The following GALNT2 variants were observed in gnomAD, a reference collection of about 807,000 sequenced individuals.
The protein encoded by GALNT2 is polypeptide N-acetylgalactosaminyltransferase 2.
In GALNT2, 31 loss-of-function variants were observed where a neutral mutation model predicts 81.4. The ratio of observed to expected loss-of-function variants is 0.38; its 90% CI spans 0.29 to 0.51. The LOEUF (loss-of-function observed/expected upper bound fraction) is 0.51, where lower values mean the gene tolerates loss of function less well. Among genes scored for constraint, GALNT2 ranks in the 20% least tolerant of loss-of-function variants. GALNT2 has a pLI of 0.87. For missense variants in GALNT2, 629 were observed against 765.7 expected (o/e 0.82, Z 2.11); for synonymous variants, 303 against 287.4 (o/e 1.05, Z -0.55).
At chr1:230,222,942 A>G (rs1558147611) in intron 3 of GALNT2, among the ~76,000 whole-genome samples, 1 of 152,206 alleles carries the variant, frequency 6.6e-6, no homozygotes, top group African/African-American at 2.4e-5. Context: ...TCTCATTTCT[A>G]TGAATATTTG....
At chr1:230,265,620 G>A (rs986738631) in intron 14 of GALNT2, among the ~76,000 whole-genome samples, 39 of 152,194 alleles carry the variant, frequency 2.6e-4, no homozygotes, top group African/African-American at 6.8e-4. Flanking sequence ...GGGTGCACTG[G>A]TCACAGTTGC....
chr1:230,135,007 T>C (rs1327729979), intron 1 of GALNT2, among the ~76,000 whole-genome samples: 1 of 152,152 alleles, frequency 6.6e-6, no homozygotes, highest in Admixed American at 6.5e-5. Context: ...TATCTGAGAG[T>C]GTTTCAAATC....
At chr1:230,249,126 T>A (rs1336993096) in intron 8 of GALNT2, 58 bp from the exon 9 acceptor site, 2 of 1,423,770 alleles carry the variant, frequency 1.4e-6, no homozygotes, top group African/African-American at 2.8e-5. Flanking sequence ...GGAATGGGGG[T>A]GTCGGGAGGA....
intron 1 of GALNT2, among the ~76,000 whole-genome samples, chr1:230,134,529 T>C (rs1233156255): frequency 6.6e-6 from 1 of 152,240 alleles, no homozygotes; most frequent in Non-Finnish European, 1.5e-5. Context: ...GCTGTATCTA[T>C]CTATCTGTGG....
At chr1:230,219,106 T>C (rs1484258860) in intron 3 of GALNT2, among the ~76,000 whole-genome samples, 1 of 152,252 alleles carries the variant, frequency 6.6e-6, no homozygotes, top group Non-Finnish European at 1.5e-5. Flanking sequence ...TGTTCCTTGG[T>C]GCCAAAAAGG....
intron 3 of GALNT2, among the ~76,000 whole-genome samples, chr1:230,230,033 T>C (rs1299382282): frequency 6.6e-6 from 1 of 152,172 alleles, no homozygotes; most frequent in Non-Finnish European, 1.5e-5. Flanking sequence ...TTGCAAGATA[T>C]TAAGACTTGG....
rs1035590846 is a variant in GALNT2, at chr1:230,280,402, A to G, written c.*944A>G. On this transcript the variant is annotated 3_prime_UTR_variant, in exon 16 of 16. Coordinates refer to ENST00000366672, the MANE Select transcript of GALNT2 (RefSeq NM_004481.5). ...CTGGAGCGGTTACTTATTTTGACAG[A>G]TATCACTTTGGGTCTTTTTACATTA... The G allele has an allele frequency of 3.1e-5, 6 of 193,368 alleles. No homozygotes were observed. The South Asian group carries it at 3.2e-4, about 10-fold the overall frequency. 12.0% of individuals were successfully genotyped at this position (193,368 alleles called of 1,614,324 possible).
At chr1:230,223,744 T>A (rs1282941123) in intron 3 of GALNT2, among the ~76,000 whole-genome samples, 2 of 152,244 alleles carry the variant, frequency 1.3e-5, no homozygotes, top group Non-Finnish European at 2.9e-5. Flanking sequence ...GTGCTGGGAT[T>A]GTAGGCGTGA....
chr1:230,185,664 A>T (rs997373342), intron 2 of GALNT2, among the ~76,000 whole-genome samples: 1 of 152,178 alleles, frequency 6.6e-6, no homozygotes, highest in South Asian at 2.1e-4. Context: ...AGGCCTTATT[A>T]ATAAGAACAC....
At position 230,275,516 on chromosome 1, in the gene GALNT2, A is replaced by G. The variant is rs1263030061; in HGVS notation, c.1560+952A>G. Among the ~76,000 whole-genome samples, 11 of 151,336 alleles carry G rather than the reference A, an allele frequency of 7.3e-5. No individual in the cohort carries two copies. On this transcript the variant is annotated intron_variant, in intron 15 of 15. Transcript: ENST00000366672. The surrounding 1 kb of genome is among the most constrained non-coding windows in gnomAD (Gnocchi z 5.5). ...ACACACACACACCACAGATACATACATATATATACATGCCACATAGATATA... is the reference window on the plus strand; with the variant it reads ...ACACACACACACCACAGATACATACGTATATATACATGCCACATAGATATA...
intron 1 of GALNT2, among the ~76,000 whole-genome samples, chr1:230,136,233 T>C (rs1177994210): frequency 6.6e-6 from 1 of 152,040 alleles, no homozygotes. Flanking sequence ...GTAACTATGA[T>C]CGAACCTGCA....
chr1:230,178,310 A>C lies in GALNT2; in HGVS notation c.219A>C (p.Pro73=), dbSNP rs751232137. The C allele has an allele frequency of 1.9e-6, 3 of 1,611,666 alleles. No individual in the cohort carries two copies. Among genetic ancestry groups the C allele is most frequent in the Non-Finnish European group, 2.5e-6 (3 of 1,178,032 alleles). ...CACAAAGCATGGAGACCCTCCCTCC[A>C]GGTACTGCCAGGGGCCAGGAAGCCA... ...EKAQSMETLP[P]GKVRWPDFNQ... is the part of the protein sequence containing the mutation. The change falls in exon 2 of 16, where the codon CCA becomes CCC. Residue 73 remains proline (P), a splice_region_variant and synonymous_variant. Transcript: ENST00000366672.
At position 230,243,583 on chromosome 1, in the gene GALNT2, A is replaced by G. The variant is rs933963732; in HGVS notation, c.729+156A>G. The stretch of plus-strand genomic sequence containing the variant: ...TCTGCAGTTTTCCTTGATAGAAGGA[A>G]AATGCCTTTGGGGCATTGTAGAAAG... On this transcript the variant is annotated intron_variant, in intron 7 of 15. Coordinates refer to ENST00000366672, the MANE Select transcript of GALNT2 (RefSeq NM_004481.5). The surrounding 1 kb of genome is among the most constrained non-coding windows in gnomAD (Gnocchi z 4.2). Among the ~76,000 whole-genome samples the G allele has an allele frequency of 6.6e-6, 1 of 152,214 alleles. No homozygotes were observed. The highest frequency in any genetic ancestry group is 2.4e-5 in the African/African-American group (1 of 41,464).
At chr1:230,093,742 C>T (rs565843994) in intron 1 of GALNT2, among the ~76,000 whole-genome samples, 1 of 152,292 alleles carries the variant, frequency 6.6e-6, no homozygotes, top group South Asian at 2.1e-4. Flanking sequence ...TGTTTAGATA[C>T]ACAAATACTA....
intron 1 of GALNT2, among the ~76,000 whole-genome samples, chr1:230,122,407 G>C (rs958687860): frequency 6.6e-6 from 1 of 152,184 alleles, no homozygotes; most frequent in African/African-American, 2.4e-5. Flanking sequence ...CTGCTCCGCT[G>C]CTCCTCTCTC....
chr1:230,145,220 TGCTTGTTAGCAG>T (rs1194093626), intron 1 of GALNT2, among the ~76,000 whole-genome samples: 2 of 152,164 alleles, frequency 1.3e-5, no homozygotes, highest in Non-Finnish European at 2.9e-5. Context: ...CCCCCTGTGT[TGCTTGTTAGCAG>T]GCAGGTTCCA....
At position 230,099,202 on chromosome 1, in the gene GALNT2, T is replaced by C. The variant is rs148518893; in HGVS notation, c.126+31796T>C. On this transcript the variant is annotated intron_variant, in intron 1 of 15. Transcript: ENST00000366672. ...TGTGCCTGCTGTTGGCCTGAAGCAT[T>C]GTCATGGCCTTGCCCAGGTTTGCTT... Among the ~76,000 whole-genome samples, 329 of 152,330 alleles carry C rather than the reference T, an allele frequency of 2.2e-3. 2 individuals carry two copies. The highest frequency in any genetic ancestry group is 1.6e-3 in the Non-Finnish European group (111 of 68,022).
At chr1:230,077,584 T>A (rs559916392) in intron 1 of GALNT2, among the ~76,000 whole-genome samples, 1 of 152,260 alleles carries the variant, frequency 6.6e-6, no homozygotes, top group South Asian at 2.1e-4. Context: ...CGGGCATAGA[T>A]AGATACAAAG....
intron 1 of GALNT2, among the ~76,000 whole-genome samples, chr1:230,077,026 G>A (rs184936003): frequency 6.0e-4 from 91 of 152,258 alleles, no homozygotes; most frequent in African/African-American, 2.2e-3. Context: ...TTGAGGAGCC[G>A]GTGCAAATTA....
Sources: gnomAD v4.1 joint callset for allele counts (sites outside exome capture counted in the v4.1 genomes callset) on GRCh38, gnomAD v4.1.1 for gene constraint, Gnocchi (gnomAD v3.1) non-coding constraint, MANE v1.5 for transcripts, NCBI Gene and HGNC (gene_info 2026-07-23, HGNC 2026-07-21) for gene names.